Variants in PDE4D observed in about 807,000 individuals in gnomAD.
The protein encoded by PDE4D is 3',5'-cyclic-AMP phosphodiesterase 4D.
In PDE4D, 24 loss-of-function variants were observed where a neutral mutation model predicts 87.4. That is an observed-to-expected ratio of 0.27 (90% CI 0.20 to 0.39). The LOEUF is 0.39. Ranked by LOEUF, PDE4D falls within the 10% of genes least tolerant of loss-of-function variation. PDE4D has a pLI of 1.00. For missense variants in PDE4D, 714 were observed against 1,041.0 expected, an observed-to-expected ratio of 0.69 and a Z score of 4.32; for synonymous variants, 384 against 383.2, an observed-to-expected ratio of 1.00 and a Z score of -0.02.
chr5:60,446,696 TCA>T (rs376479002), intron 1 of PDE4D, among the ~76,000 whole-genome samples: 229 of 152,284 alleles, frequency 1.5e-3, no homozygotes, highest in African/African-American at 5.2e-3. Context: ...GCAGGCTGAT[TCA>T]CAGTGATGTG....
At chr5:59,342,509 T>C (rs548302399) in intron 1 of PDE4D, among the ~76,000 whole-genome samples, 4 of 152,296 alleles carry the variant, frequency 2.6e-5, no homozygotes, top group African/African-American at 9.6e-5. Flanking sequence ...GTCCTTTTTA[T>C]TTCTCTCATA....
At chr5:59,946,641 C>G (rs1757751325) in intron 3 of PDE4D, among the ~76,000 whole-genome samples, 1 of 152,192 alleles carries the variant, frequency 6.6e-6, no homozygotes, top group South Asian at 2.1e-4. Flanking sequence ...GAGTCCTTAG[C>G]ATTTGCCAGG....
At chr5:59,660,685 A>C (rs966952545) in intron 1 of PDE4D, among the ~76,000 whole-genome samples, 1 of 152,162 alleles carries the variant, frequency 6.6e-6, no homozygotes, top group African/African-American at 2.4e-5. Context: ...TGCCAAATTG[A>C]ACTAAAAGGC....
chr5:60,264,210 C>A (rs1285298996), intron 1 of PDE4D, among the ~76,000 whole-genome samples: 1 of 152,090 alleles, frequency 6.6e-6, no homozygotes, highest in African/African-American at 2.4e-5. Context: ...ACCCAATGAT[C>A]TGAAAAATGC....
At chr5:59,624,712 C>T (rs1214888807) in intron 1 of PDE4D, among the ~76,000 whole-genome samples, 1 of 152,122 alleles carries the variant, frequency 6.6e-6, no homozygotes, top group Non-Finnish European at 1.5e-5. Context: ...TTCATTTTGC[C>T]TGGTAGTTCT....
At chr5:59,363,062 G>A (rs75293587) in intron 1 of PDE4D, among the ~76,000 whole-genome samples, 3,097 of 152,076 alleles carry the variant, frequency 0.02, 116 homozygotes, top group African/African-American at 0.071. Context: ...CCATAATGTC[G>A]GGTTAACTTT....
At chr5:59,017,866 T>C (rs1204282052) in intron 6 of PDE4D, among the ~76,000 whole-genome samples, 1 of 152,194 alleles carries the variant, frequency 6.6e-6, no homozygotes, top group African/African-American at 2.4e-5. Context: ...AGTGGTACAA[T>C]AATAAGACTT....
At chr5:60,283,749 G>C (rs1018829842) in intron 1 of PDE4D, among the ~76,000 whole-genome samples, 1 of 152,110 alleles carries the variant, frequency 6.6e-6, no homozygotes, top group African/African-American at 2.4e-5. Flanking sequence ...AGCAGGGCCT[G>C]TAAAATGTGC....
chr5:59,374,394 A>G (rs1228717353), intron 1 of PDE4D, among the ~76,000 whole-genome samples: 1 of 152,210 alleles, frequency 6.6e-6, no homozygotes, highest in East Asian at 1.9e-4. Context: ...TCTGACAAAA[A>G]AGACTTTAAA....
rs137931114 is a variant in PDE4D, at chr5:60,215,444, T to C, written c.-89-29757A>G. On this transcript the variant is annotated intron_variant, in intron 1 of 16. Transcript: ENST00000502484. ...CCAAGAAATTAATCTGATATATGAATCTATCTCTTACCCCAACCCTCAAGC... is the reference window on the plus strand; with the variant it reads ...CCAAGAAATTAATCTGATATATGAACCTATCTCTTACCCCAACCCTCAAGC... 4.2e-4 allele frequency among the ~76,000 whole-genome samples: 64 copies of C among 152,250 alleles called. No homozygotes were observed. In the East Asian group the frequency reaches 0.012, roughly 28 times the overall value.
chr5:60,489,136 A>G (rs1405285818), upstream of PDE4D, among the ~76,000 whole-genome samples: 1 of 152,236 alleles, frequency 6.6e-6, no homozygotes, highest in African/African-American at 2.4e-5. Context: ...ACATACACAT[A>G]ACCAGAACAC....
chr5:60,002,654 T>C (rs1381559158), intron 2 of PDE4D, among the ~76,000 whole-genome samples: 3 of 152,086 alleles, frequency 2.0e-5, no homozygotes, highest in Non-Finnish European at 2.9e-5. Flanking sequence ...ATGAACACAA[T>C]GAAAGATAAA....
intron 1 of PDE4D, among the ~76,000 whole-genome samples, chr5:60,395,888 A>C (rs2150035677): frequency 6.6e-6 from 1 of 152,240 alleles, no homozygotes; most frequent in South Asian, 2.1e-4. Context: ...ACACCGCTTA[A>C]GCCTGCCCAT....
At chr5:59,106,418 A>G (rs1468594664) in intron 5 of PDE4D, among the ~76,000 whole-genome samples, 2 of 152,222 alleles carry the variant, frequency 1.3e-5, no homozygotes, top group African/African-American at 2.4e-5. Context: ...GTTGAAATGT[A>G]TATTTTTCCA....
intron 5 of PDE4D, among the ~76,000 whole-genome samples, chr5:59,070,199 T>C (rs924791028): frequency 3.3e-5 from 5 of 152,194 alleles, no homozygotes; most frequent in African/African-American, 1.2e-4. Flanking sequence ...AACTATGTTA[T>C]CTCCTTGTTT....
chr5:59,008,083 T>C (rs1751992682), intron 6 of PDE4D, among the ~76,000 whole-genome samples: 1 of 152,068 alleles, frequency 6.6e-6, no homozygotes, highest in African/African-American at 2.4e-5. Flanking sequence ...TTTAGTCAAT[T>C]TACCTAAAAC....
In PDE4D at chr5:59,503,388, C is replaced by T. The variant is rs74481828; in HGVS notation, c.456-287420G>A. Among the ~76,000 whole-genome samples, 419 of 152,288 alleles carry T rather than the reference C, an allele frequency of 2.8e-3. 1 individual carries two copies. The highest frequency in any genetic ancestry group is 9.7e-3 in the African/African-American group (404 of 41,580). On this transcript the variant is annotated intron_variant, in intron 1 of 14. Transcript: ENST00000340635. Reference sequence around the variant, plus strand: ...TTATTCAATGGAAGTGCTCTCACTGCTGGTTCACAGCAAAGGTTCCCATGA... The same window carrying T: ...TTATTCAATGGAAGTGCTCTCACTGTTGGTTCACAGCAAAGGTTCCCATGA...
intron 1 of PDE4D, among the ~76,000 whole-genome samples, chr5:60,197,456 C>T (rs1214460287): frequency 6.6e-6 from 1 of 151,544 alleles, no homozygotes; most frequent in East Asian, 1.9e-4. Context: ...CCTAATAATA[C>T]TCTTGGTTTA....
At position 59,003,653 on chromosome 5, in the gene PDE4D, G is replaced by A. The variant is rs78025897; in HGVS notation, c.922-10188C>T. Among the ~76,000 whole-genome samples, 9 of 152,260 alleles carry A rather than the reference G, an allele frequency of 5.9e-5. No homozygotes were observed. The East Asian group carries it at 1.4e-3, about 23-fold the overall frequency. The stretch of plus-strand genomic sequence containing the variant: ...AGTTAATAAATACATAATACGTCAT[G>A]GGGTGATAAGCACAATGGAGAGAAA... On this transcript the variant is annotated intron_variant, in intron 6 of 14. Transcript: ENST00000340635.
Sources: allele counts gnomAD v4.1 joint callset (sites outside exome capture counted in the v4.1 genomes callset), GRCh38; gene constraint gnomAD v4.1.1; transcripts MANE v1.5; gene names NCBI Gene and HGNC (gene_info 2026-07-23, HGNC 2026-07-21).